The following C10orf90 variants were observed in gnomAD, a reference collection of about 807,000 sequenced individuals.
The protein encoded by C10orf90 is chromosome 10 open reading frame 90, also known as (E2-independent) E3 ubiquitin-conjugating enzyme FATS.
In C10orf90, 56 loss-of-function variants were observed where a neutral mutation model predicts 62.5. The ratio of observed to expected loss-of-function variants is 0.90; its 90% CI spans 0.72 to 1.12. C10orf90 has a LOEUF of 1.12. Among genes scored for constraint, C10orf90 ranks in the 50% most tolerant of loss-of-function variants. The pLI is 0.00. For synonymous variants in C10orf90, 386 were observed against 340.4 expected (o/e 1.13, Z -1.47); for missense variants, 970 against 880.4 (o/e 1.10, Z -1.29).
chr10:126,508,965 G>A (rs1862932212), intron 3 of C10orf90, among the ~76,000 whole-genome samples: 1 of 152,140 alleles, frequency 6.6e-6, no homozygotes, highest in East Asian at 1.9e-4. Context: ...CGTCTGGACC[G>A]AGCCCTGAAG....
chr10:126,607,265 A>G (rs1845332759), intron 2 of C10orf90, among the ~76,000 whole-genome samples: 1 of 152,238 alleles, frequency 6.6e-6, no homozygotes, highest in South Asian at 2.1e-4. Flanking sequence ...TCATTTTAAT[A>G]CCCTGCATAA....
intron 1 of C10orf90, among the ~76,000 whole-genome samples, chr10:126,650,324 C>T (rs1183847403): frequency 6.6e-6 from 1 of 152,140 alleles, no homozygotes; most frequent in Admixed American, 6.6e-5. Flanking sequence ...CAAAGCCACA[C>T]AATGGGAAAA....
At chr10:126,578,438 C>T (rs371050096) in intron 2 of C10orf90, among the ~76,000 whole-genome samples, 14 of 152,102 alleles carry the variant, frequency 9.2e-5, no homozygotes, top group Non-Finnish European at 1.3e-4. Context: ...TCAGAAACCA[C>T]GACACACCCA....
At chr10:126,602,400 G>A (rs535198562) in intron 2 of C10orf90, among the ~76,000 whole-genome samples, 54 of 152,318 alleles carry the variant, frequency 3.5e-4, no homozygotes, top group African/African-American at 1.0e-3. Flanking sequence ...CAGTGAGGTA[G>A]GTACTTGCTG....
chr10:126,581,303 A>G (rs1163280061), intron 2 of C10orf90, among the ~76,000 whole-genome samples: 1 of 152,254 alleles, frequency 6.6e-6, no homozygotes, highest in Non-Finnish European at 1.5e-5. Context: ...GCATTTGATC[A>G]GCAGTGTTGC....
At chr10:126,431,720 C>T (rs1216360174) in intron 7 of C10orf90, among the ~76,000 whole-genome samples, 2 of 152,172 alleles carry the variant, frequency 1.3e-5, no homozygotes, top group Non-Finnish European at 2.9e-5. Context: ...ATTACCAATA[C>T]CCTTTGTAAG....
chr10:126,577,523 A>G (rs1445350111), intron 2 of C10orf90, among the ~76,000 whole-genome samples: 2 of 152,076 alleles, frequency 1.3e-5, no homozygotes, highest in African/African-American at 4.8e-5. Flanking sequence ...GAAGTAGACA[A>G]AACACAAATA....
chr10:126,500,042 T>C (rs920990717), intron 4 of C10orf90, among the ~76,000 whole-genome samples: 1 of 152,204 alleles, frequency 6.6e-6, no homozygotes, highest in Admixed American at 6.5e-5. Flanking sequence ...CACAAAGAAC[T>C]GGATTTCAGG....
intron 7 of C10orf90, among the ~76,000 whole-genome samples, chr10:126,440,306 G>A (rs1554885616): frequency 6.6e-6 from 1 of 152,112 alleles, no homozygotes; most frequent in Non-Finnish European, 1.5e-5. Context: ...ACTCAGCAGA[G>A]GGAGCCATAA....
At chr10:126,547,204 G>A (rs1406203965) in intron 2 of C10orf90, among the ~76,000 whole-genome samples, 1 of 152,196 alleles carries the variant, frequency 6.6e-6, no homozygotes, top group South Asian at 2.1e-4. Flanking sequence ...CGGATCAGGA[G>A]GTCAGGAGAT....
At position 126,667,213 on chromosome 10, in the gene C10orf90, C is replaced by A. The variant is rs567636551; in HGVS notation, c.240+3028G>T. ...AGCTGGGACTACAGGCACCTGCCACCACACCCAGCTAATTTTTTGTATTTT... is the reference window on the plus strand; with the variant it reads ...AGCTGGGACTACAGGCACCTGCCACAACACCCAGCTAATTTTTTGTATTTT... On this transcript the variant is annotated intron_variant, in intron 1 of 9. Transcript: ENST00000488181. 4.0e-5 allele frequency among the ~76,000 whole-genome samples: 6 copies of A among 151,826 alleles called. No individual in the cohort carries two copies. In the East Asian group the frequency reaches 1.2e-3, roughly 31 times the overall value.
chr10:126,590,572 T>C (rs2134027478), intron 2 of C10orf90, among the ~76,000 whole-genome samples: 1 of 152,308 alleles, frequency 6.6e-6, no homozygotes, highest in East Asian at 1.9e-4. Context: ...TTCAATAGCG[T>C]GCTCCTGAAT....
chr10:126,472,019 T>C (rs1298634836), intron 4 of C10orf90, among the ~76,000 whole-genome samples: 1 of 152,138 alleles, frequency 6.6e-6, no homozygotes, highest in Non-Finnish European at 1.5e-5. Flanking sequence ...AGAAACAAGT[T>C]TCAATTAATT....
intron 2 of C10orf90, among the ~76,000 whole-genome samples, chr10:126,546,230 A>C (rs1255861277): frequency 6.6e-6 from 1 of 152,350 alleles, no homozygotes; most frequent in Admixed American, 6.5e-5. Context: ...ATAAAACTGT[A>C]CCCTCATGCC....
intron 2 of C10orf90, among the ~76,000 whole-genome samples, chr10:126,582,082 C>T (rs1445240249): frequency 6.6e-6 from 1 of 152,320 alleles, no homozygotes; most frequent in Middle Eastern, 3.4e-3. Flanking sequence ...AGCTCCTCTC[C>T]CAGGTCACCC....
chr10:126,559,649 G>A (rs1260380218), intron 2 of C10orf90, among the ~76,000 whole-genome samples: 2 of 152,132 alleles, frequency 1.3e-5, no homozygotes, highest in African/African-American at 2.4e-5. Context: ...GGAATTGATC[G>A]GAAGATGGGT....
At chr10:126,543,584 G>A (rs765019900) in intron 2 of C10orf90, among the ~76,000 whole-genome samples, 2 of 152,184 alleles carry the variant, frequency 1.3e-5, no homozygotes, top group African/African-American at 2.4e-5. Context: ...TACCATGGAA[G>A]CTGCAGGTGA....
rs904644513 is a variant in C10orf90 at position 126,524,454 on chromosome 10, C to T, written c.314-10515G>A. 5 of 208,386 alleles carry T rather than the reference C, an allele frequency of 2.4e-5. No individual in the cohort carries two copies. In the South Asian group the frequency reaches 6.7e-4, roughly 28 times the overall value. The allele number at this position is 208,386 out of a possible 1,614,324, so 12.9% of individuals were successfully genotyped here. A position where few individuals can be genotyped will look rare whatever the true frequency, so the allele number is the denominator to read the frequency against. ...CAGCCCAGGTCAGGGAGAACTGAGG[C>T]CTGGGTAGCGGGGACAGGAATCCTG... On this transcript the variant is annotated intron_variant, in intron 2 of 9. Coordinates refer to ENST00000488181, the MANE Select transcript of C10orf90 (RefSeq NM_001350921.2).
At chr10:126,490,462 T>C (rs972559618) in intron 4 of C10orf90, among the ~76,000 whole-genome samples, 1 of 151,668 alleles carries the variant, frequency 6.6e-6, no homozygotes, top group African/African-American at 2.4e-5. Context: ...TTAATGGATG[T>C]ATGGGTGGTG....
Sources: gnomAD v4.1 joint callset for allele counts (sites outside exome capture counted in the v4.1 genomes callset) on GRCh38, gnomAD v4.1.1 for gene constraint, MANE v1.5 for transcripts, NCBI Gene and HGNC (gene_info 2026-07-23, HGNC 2026-07-21) for gene names.